ANKRD44: variants seen among roughly 807,000 people sequenced by gnomAD.
ANKRD44 encodes the protein ankyrin repeat domain 44.
Under a neutral mutation model 116.0 loss-of-function variants are expected in ANKRD44, and 35 were observed. The ratio of observed to expected loss-of-function variants is 0.30; its 90% CI spans 0.23 to 0.40. The LOEUF is 0.40. ANKRD44 is among the 10% of genes least tolerant of loss of function. The pLI, the probability that ANKRD44 is intolerant of heterozygous loss-of-function variation, is 1.00. For synonymous variants in ANKRD44, 435 were observed against 461.8 expected (o/e 0.94, Z 0.74); for missense variants, 1,014 against 1,242.6 (o/e 0.82, Z 2.77).
chr2:197,006,922 T>C (rs1424729219), intron 20 of ANKRD44, among the ~76,000 whole-genome samples: 4 of 152,070 alleles, frequency 2.6e-5, no homozygotes, highest in Non-Finnish European at 4.4e-5. Flanking sequence ...CTGGGCAACA[T>C]GGCAAAACCC....
At chr2:197,283,708 T>C (rs745626901) in intron 1 of ANKRD44, among the ~76,000 whole-genome samples, 1 of 152,112 alleles carries the variant, frequency 6.6e-6, no homozygotes, top group Non-Finnish European at 1.5e-5. Context: ...AATGAAATCA[T>C]TGGAATCCCT....
intron 2 of ANKRD44, among the ~76,000 whole-genome samples, chr2:197,164,437 G>T (rs1270195597): frequency 2.0e-5 from 3 of 152,224 alleles, no homozygotes; most frequent in African/African-American, 7.2e-5. Context: ...TTCTCTGGGG[G>T]CGGCCACACT....
chr2:197,051,874 A>G (rs1482245699), intron 16 of ANKRD44, among the ~76,000 whole-genome samples: 1 of 152,184 alleles, frequency 6.6e-6, no homozygotes, highest in Non-Finnish European at 1.5e-5. Flanking sequence ...TAAGCCTCCT[A>G]TAATGCCAAG....
chr2:197,063,989 C>A (rs1262912999), intron 16 of ANKRD44, among the ~76,000 whole-genome samples: 4 of 152,050 alleles, frequency 2.6e-5, no homozygotes, highest in Admixed American at 2.0e-4. Context: ...AACTCCAAGA[C>A]ACATAATTGT....
intron 10 of ANKRD44, among the ~76,000 whole-genome samples, chr2:197,091,783 T>C (rs1287754528): frequency 2.0e-5 from 3 of 152,248 alleles, no homozygotes; most frequent in African/African-American, 4.8e-5. Flanking sequence ...AAAACTAATG[T>C]TTGCCTTTTG....
chr2:197,117,856 C>T (rs565648359), intron 8 of ANKRD44, among the ~76,000 whole-genome samples: 74 of 152,302 alleles, frequency 4.9e-4, no homozygotes, highest in Non-Finnish European at 9.3e-4. Flanking sequence ...TCTAGGTCCA[C>T]TATACCTGGG....
intron 1 of ANKRD44, among the ~76,000 whole-genome samples, chr2:197,274,008 T>TATAGATATATATAG (rs1553546226): frequency 1.6e-5 from 1 of 64,186 alleles, no homozygotes; most frequent in Non-Finnish European, 2.8e-5. Flanking sequence ...TATATATATA[T>TATAGATATATATAG]ATATATATAT....
At chr2:197,182,351 A>T (rs1434178512) in intron 2 of ANKRD44, among the ~76,000 whole-genome samples, 1 of 152,182 alleles carries the variant, frequency 6.6e-6, no homozygotes, top group Non-Finnish European at 1.5e-5. Flanking sequence ...TCCTCAATTC[A>T]ATCTACAGAT....
At position 197,018,766 on chromosome 2, in the gene ANKRD44, ATATT is replaced by A. The variant is rs1400602936; in HGVS notation, c.1723-5058_1723-5055del. On this transcript the variant is annotated intron_variant, in intron 17 of 27. Coordinates refer to ENST00000282272, the MANE Select transcript of ANKRD44 (RefSeq NM_001195144.2). Reference sequence around the variant, plus strand: ...TAAATGAATGAATATAATGACTACTATATTTATTACTATTTTTGGTAGAAATATG... The same window carrying A: ...TAAATGAATGAATATAATGACTACTATATTACTATTTTTGGTAGAAATATG... Among the ~76,000 whole-genome samples, 3 of 152,210 alleles carry A rather than the reference ATATT, an allele frequency of 2.0e-5. No homozygotes were observed. The East Asian group carries it at 5.8e-4, about 29-fold the overall frequency.
At position 196,993,153 on chromosome 2, in the gene ANKRD44, GA is replaced by G. The variant is rs1035539164; in HGVS notation, c.2923+429del. Among the ~76,000 whole-genome samples, 24 of 151,148 alleles carry G rather than the reference GA, an allele frequency of 1.6e-4. 1 individual carries two copies. In the East Asian group the frequency reaches 3.1e-3, roughly 20 times the overall value. ...ATATGAGTTCTGATCTGTACTTAAA[GA>G]AAAAAAAAGTTTGATCTCAGAATGA... On this transcript the variant is annotated intron_variant, in intron 27 of 27. Coordinates refer to ENST00000282272, the MANE Select transcript of ANKRD44 (RefSeq NM_001195144.2).
intron 1 of ANKRD44, among the ~76,000 whole-genome samples, chr2:197,210,707 G>A (rs1473722930): frequency 2.0e-5 from 3 of 152,194 alleles, no homozygotes; most frequent in Non-Finnish European, 4.4e-5. Flanking sequence ...GGGGCCACGG[G>A]TTGTGGACTG....
At chr2:197,287,969 G>A (rs528762054) in intron 1 of ANKRD44, among the ~76,000 whole-genome samples, 16 of 137,820 alleles carry the variant, frequency 1.2e-4, no homozygotes, top group East Asian at 2.2e-4. Flanking sequence ...GCAGTGGGCC[G>A]AGATCACATC....
chr2:197,242,962 A>G (rs1193854908), intron 1 of ANKRD44, among the ~76,000 whole-genome samples: 1 of 152,222 alleles, frequency 6.6e-6, no homozygotes, highest in African/African-American at 2.4e-5. Flanking sequence ...CCAGACCTGG[A>G]TAAAGAGATC....
At chr2:197,107,448 C>T (rs1245156780) in intron 9 of ANKRD44, among the ~76,000 whole-genome samples, 1 of 152,124 alleles carries the variant, frequency 6.6e-6, no homozygotes, top group Non-Finnish European at 1.5e-5. Context: ...GACAACACAG[C>T]TTCAGACAAC....
At chr2:197,174,852 T>C (rs2080327563) in intron 2 of ANKRD44, among the ~76,000 whole-genome samples, 1 of 152,172 alleles carries the variant, frequency 6.6e-6, no homozygotes, top group East Asian at 1.9e-4. Flanking sequence ...TAGAGGTTGA[T>C]TAAGGGTTGC....
At chr2:197,299,288 A>G (rs1173356702) in intron 1 of ANKRD44, among the ~76,000 whole-genome samples, 1 of 152,144 alleles carries the variant, frequency 6.6e-6, no homozygotes, top group Non-Finnish European at 1.5e-5. Context: ...AAATATGTAT[A>G]AGATTAAAAA....
chr2:197,121,439 G>C lies in ANKRD44; in HGVS notation c.799C>G (p.Gln267Glu), dbSNP rs2125323488. ...ELIDYGANVN[Q>E]PNNNGFTPLH... ...GGGGTGAACCCATTATTGTTTGGCT[G>C]GTTCACGTTAGCACCGTAGTCAATC... The change falls in exon 8 of 28, where the codon CAG becomes GAG. Residue 267 changes from glutamine (Q) to glutamate (E), a missense_variant. Gln to Glu is a conservative substitution (Grantham distance 29). Coordinates refer to ENST00000282272, the MANE Select transcript of ANKRD44 (RefSeq NM_001195144.2). 1 of 1,614,204 alleles carries C rather than the reference G, an allele frequency of 6.2e-7. No homozygotes were observed. Among genetic ancestry groups the C allele is most frequent in the Middle Eastern group, 1.6e-4 (1 of 6,062 alleles).
intron 1 of ANKRD44, among the ~76,000 whole-genome samples, chr2:197,259,304 C>A (rs1245380381): frequency 6.6e-6 from 1 of 152,212 alleles, no homozygotes; most frequent in Admixed American, 6.5e-5. Flanking sequence ...TTATATACAT[C>A]TGTGTCCCCC....
intron 1 of ANKRD44, among the ~76,000 whole-genome samples, chr2:197,276,444 A>T (rs75892983): frequency 0.039 from 5,912 of 152,084 alleles, 205 homozygotes; most frequent in Admixed American, 0.11. Flanking sequence ...CTTAGTGATA[A>T]ACAAGAAAAG....
Sources: allele counts gnomAD v4.1 joint callset (sites outside exome capture counted in the v4.1 genomes callset), GRCh38; gene constraint gnomAD v4.1.1; transcripts MANE v1.5; gene names NCBI Gene and HGNC (gene_info 2026-07-23, HGNC 2026-07-21).